The following LUZP2 variants were observed in gnomAD, a reference collection of about 807,000 sequenced individuals.
LUZP2 encodes the protein leucine zipper protein 2.
A neutral mutation model predicts 51.6 loss-of-function variants in LUZP2; 52 were observed. The ratio of observed to expected loss-of-function variants is 1.01; its 90% CI spans 0.81 to 1.27. The LOEUF (loss-of-function observed/expected upper bound fraction) is 1.27. Ranked by LOEUF, LUZP2 falls within the 50% of genes most tolerant of loss-of-function variation. The pLI is 0.00. For missense variants in LUZP2, 436 were observed against 395.4 expected (o/e 1.10, Z -0.87); for synonymous variants, 154 against 137.3 (o/e 1.12, Z -0.85).
At chr11:24,669,810 T>C (rs1856343591) in intron 1 of LUZP2, among the ~76,000 whole-genome samples, 1 of 152,044 alleles carries the variant, frequency 6.6e-6, no homozygotes, top group South Asian at 2.1e-4. Flanking sequence ...TTGGCTTAGG[T>C]CATGAATCTT....
At chr11:25,012,185 C>T (rs1857004312) in intron 9 of LUZP2, among the ~76,000 whole-genome samples, 1 of 152,140 alleles carries the variant, frequency 6.6e-6, no homozygotes, top group African/African-American at 2.4e-5. Flanking sequence ...GACACTTTCC[C>T]AGGTCTCTCA....
intron 1 of LUZP2, among the ~76,000 whole-genome samples, chr11:24,653,222 C>T (rs559864518): frequency 6.6e-6 from 1 of 152,222 alleles, no homozygotes; most frequent in Non-Finnish European, 1.5e-5. Context: ...ATGGTGGTAG[C>T]AGGGGATATC....
intron 8 of LUZP2, among the ~76,000 whole-genome samples, chr11:24,980,705 A>G (rs1468677129): frequency 6.6e-6 from 1 of 151,796 alleles, no homozygotes; most frequent in Admixed American, 6.6e-5. Flanking sequence ...ACTTTAGGAA[A>G]GAACCATTCC....
intron 9 of LUZP2, among the ~76,000 whole-genome samples, chr11:25,014,021 T>A (rs1857062760): frequency 6.6e-6 from 1 of 152,122 alleles, no homozygotes; most frequent in African/African-American, 2.4e-5. Context: ...GTCCCTGCGA[T>A]AGTTTGCTGA....
intron 5 of LUZP2, among the ~76,000 whole-genome samples, chr11:24,828,052 C>T (rs987454811): frequency 6.6e-6 from 1 of 151,942 alleles, no homozygotes; most frequent in African/African-American, 2.4e-5. Flanking sequence ...CACACACATA[C>T]ACACACACAG....
At chr11:24,772,420 G>A (rs1469843729) in intron 5 of LUZP2, among the ~76,000 whole-genome samples, 1 of 152,198 alleles carries the variant, frequency 6.6e-6, no homozygotes, top group Non-Finnish European at 1.5e-5. Context: ...CAGATGAATA[G>A]GTGTAGGAGT....
intron 4 of LUZP2, among the ~76,000 whole-genome samples, chr11:24,741,822 GATATATATTT>G (rs1318723931): frequency 1.5e-5 from 2 of 137,852 alleles, no homozygotes; most frequent in Non-Finnish European, 3.1e-5. Flanking sequence ...TATAATTATA[GATATATATTT>G]ATATATATTT....
chr11:24,782,282 T>G (rs1289646995), intron 5 of LUZP2, among the ~76,000 whole-genome samples: 4 of 151,992 alleles, frequency 2.6e-5, no homozygotes, highest in Admixed American at 1.3e-4. Context: ...ATGGTCAGAG[T>G]GCAGCTGTGA....
chr11:25,027,038 A>G lies in LUZP2; in HGVS notation c.766-23000A>G, dbSNP rs75322110. Among the ~76,000 whole-genome samples, 472 of 152,104 alleles carry G rather than the reference A, an allele frequency of 3.1e-3. 4 individuals carry two copies. Among genetic ancestry groups the G allele is most frequent in the African/African-American group, 0.011 (458 of 41,552 alleles). Reference sequence around the variant, plus strand: ...TCACCTATGCATACAGATCACAACCATCCACAAACATAATATCAAATGGGT... The same window carrying G: ...TCACCTATGCATACAGATCACAACCGTCCACAAACATAATATCAAATGGGT... On this transcript the variant is annotated intron_variant, in intron 9 of 11. Coordinates refer to ENST00000336930, the MANE Select transcript of LUZP2 (RefSeq NM_001009909.4).
chr11:24,556,586 A>C (rs1851876742), intron 1 of LUZP2, among the ~76,000 whole-genome samples: 1 of 152,226 alleles, frequency 6.6e-6, no homozygotes, highest in Admixed American at 6.5e-5. Context: ...AAGGCAGAGC[A>C]TGAGAGGTCC....
At chr11:25,073,074 C>G (rs987711822) in intron 10 of LUZP2, among the ~76,000 whole-genome samples, 4 of 152,072 alleles carry the variant, frequency 2.6e-5, no homozygotes, top group Admixed American at 6.6e-5. Flanking sequence ...TTGAAGCAAG[C>G]TTACAGTTAC....
chr11:24,933,960 C>T lies in LUZP2; in HGVS notation c.522+19422C>T, dbSNP rs116122282. Among the ~76,000 whole-genome samples, 892 of 151,970 alleles carry T rather than the reference C, an allele frequency of 5.9e-3. 7 individuals are homozygous for T. The highest frequency in any genetic ancestry group is 0.02 in the African/African-American group (844 of 41,398). On this transcript the variant is annotated intron_variant, in intron 7 of 11. Transcript: ENST00000336930. Reference sequence around the variant, plus strand: ...ATATTACAAAGTACCTTCTTAAGGGCAAGGGTTGGGGGGAGGATATTACAA... The same window carrying T: ...ATATTACAAAGTACCTTCTTAAGGGTAAGGGTTGGGGGGAGGATATTACAA...
chr11:24,922,918 G>T (rs181977143), intron 7 of LUZP2, among the ~76,000 whole-genome samples: 1 of 136,842 alleles, frequency 7.3e-6, no homozygotes, highest in South Asian at 2.4e-4. Flanking sequence ...GCACGATCTC[G>T]GCTTACTGAA....
rs1018222418 is a variant in LUZP2, at chr11:24,838,789, G to C, written c.397-67202G>C. ...AATATTTTGGGACCACTGGCACTTTGAGCATGATGAAAGATCTGGACTCTC... is the reference window on the plus strand; with the variant it reads ...AATATTTTGGGACCACTGGCACTTTCAGCATGATGAAAGATCTGGACTCTC... On this transcript the variant is annotated intron_variant, in intron 5 of 11. Coordinates refer to ENST00000336930, the MANE Select transcript of LUZP2 (RefSeq NM_001009909.4). Among the ~76,000 whole-genome samples, 4 of 151,566 alleles carry C rather than the reference G, an allele frequency of 2.6e-5. No individual in the cohort carries two copies. The East Asian group carries it at 7.7e-4, about 29-fold the overall frequency.
At chr11:24,948,866 T>TCTATCTAC (rs1554944145) in intron 7 of LUZP2, among the ~76,000 whole-genome samples, 1 of 148,588 alleles carries the variant, frequency 6.7e-6, no homozygotes, top group African/African-American at 2.5e-5. Flanking sequence ...TATCTATCTA[T>TCTATCTAC]CTACCTATCC....
rs551375061 is a variant in LUZP2 at position 25,071,925 on chromosome 11, T to A, written c.859-5404T>A. ...AATGGAAAGAAAAAAATGTAACTGG[T>A]TTTAGGCACCTGAAATAATTAAACA... On this transcript the variant is annotated intron_variant, in intron 10 of 11. Transcript: ENST00000336930. Among the ~76,000 whole-genome samples the A allele has an allele frequency of 6.6e-5, 10 of 152,148 alleles. No individual in the cohort carries two copies. The South Asian group carries it at 1.7e-3, about 25-fold the overall frequency.
chr11:24,707,033 A>G (rs4612806), intron 1 of LUZP2, among the ~76,000 whole-genome samples: 86,337 of 149,776 alleles, frequency 0.58, 25,544 homozygotes, highest in East Asian at 0.97. Flanking sequence ...AAAAAGAGAG[A>G]TGAAGAAAAG....
At chr11:24,600,334 C>T (rs1433994620) in intron 1 of LUZP2, among the ~76,000 whole-genome samples, 2 of 152,018 alleles carry the variant, frequency 1.3e-5, no homozygotes, top group Non-Finnish European at 2.9e-5. Context: ...CCAAGGAATG[C>T]TGGCCACCAC....
intron 7 of LUZP2, among the ~76,000 whole-genome samples, chr11:24,933,916 A>G (rs1590748488): frequency 6.6e-6 from 1 of 151,894 alleles, no homozygotes; most frequent in East Asian, 1.9e-4. Flanking sequence ...TACAAAATAC[A>G]TTTTCAAGGG....
Sources: gnomAD v4.1 joint callset for allele counts (sites outside exome capture counted in the v4.1 genomes callset) on GRCh38, gnomAD v4.1.1 for gene constraint, MANE v1.5 for transcripts, NCBI Gene and HGNC (gene_info 2026-07-23, HGNC 2026-07-21) for gene names.